The following AGBL3 variants were observed in gnomAD, a reference collection of about 807,000 sequenced individuals.
AGBL3 encodes the protein cytosolic carboxypeptidase 3.
In AGBL3, 68 loss-of-function variants were observed where a neutral mutation model predicts 94.5. That is an observed-to-expected ratio of 0.72 (90% CI 0.59 to 0.88). The LOEUF (loss-of-function observed/expected upper bound fraction) is 0.88. AGBL3 is among the 40% of genes least tolerant of loss of function. The pLI is 0.00. For missense variants in AGBL3, 934 were observed against 1,103.8 expected, an observed-to-expected ratio of 0.85 and a Z score of 2.18; for synonymous variants, 354 against 370.7, an observed-to-expected ratio of 0.95 and a Z score of 0.52.
chr7:135,129,614 T>C (rs1248263665), intron 16 of AGBL3: 2 of 775,306 alleles, frequency 2.6e-6, no homozygotes, highest in African/African-American at 1.7e-5. Context: ...TCACTGATCC[T>C]GCTTCAACAT....
intron 5 of AGBL3, among the ~76,000 whole-genome samples, chr7:135,020,577 G>GT (rs1472883938): frequency 2.0e-5 from 3 of 152,122 alleles, no homozygotes; most frequent in Non-Finnish European, 2.9e-5. Context: ...CCAAAGGATT[G>GT]TAAGTCATGC....
intron 16 of AGBL3, among the ~76,000 whole-genome samples, chr7:135,118,730 A>C (rs1826675173): frequency 1.3e-5 from 2 of 152,226 alleles, no homozygotes; most frequent in Admixed American, 1.3e-4. Flanking sequence ...AAAGATTTTT[A>C]AAGTAATCAT....
chr7:135,086,288 C>T (rs1263184710), intron 15 of AGBL3, among the ~76,000 whole-genome samples: 1 of 151,976 alleles, frequency 6.6e-6, no homozygotes, highest in Non-Finnish European at 1.5e-5. Context: ...AATTTGACTT[C>T]CTTCTTTCCA....
At chr7:135,082,343 A>C (rs1348569123) in intron 15 of AGBL3, among the ~76,000 whole-genome samples, 1 of 152,114 alleles carries the variant, frequency 6.6e-6, no homozygotes, top group African/African-American at 2.4e-5. Flanking sequence ...TCTATTTTTT[A>C]AAAAGCTGTC....
At chr7:135,096,584 C>CATAGATAGATACATAGATAGATAG in intron 15 of AGBL3, among the ~76,000 whole-genome samples, 1 of 88,860 alleles carries the variant, frequency 1.1e-5, no homozygotes, top group East Asian at 2.8e-4. Flanking sequence ...TAGATAGATA[C>CATAGATAGATACATAGATAGATAG]ATAGATAGAT....
chr7:134,987,100 G>T (rs1455989122), intron 1 of AGBL3, among the ~76,000 whole-genome samples: 1 of 152,262 alleles, frequency 6.6e-6, no homozygotes, highest in Non-Finnish European at 1.5e-5. Flanking sequence ...AGGACTGAAG[G>T]TGTCATCTAT....
intron 13 of AGBL3, among the ~76,000 whole-genome samples, chr7:135,077,894 C>A (rs1820603723): frequency 6.6e-6 from 1 of 152,196 alleles, no homozygotes; most frequent in Non-Finnish European, 1.5e-5. Flanking sequence ...CTGCTGGCTG[C>A]AACCAATTAT....
At chr7:135,116,558 A>G (rs2348279) in intron 16 of AGBL3, among the ~76,000 whole-genome samples, 73,737 of 152,006 alleles carry the variant, frequency 0.49, 18,255 homozygotes, top group South Asian at 0.65. Context: ...TCCATTGAGT[A>G]TGGAAATCTC....
At chr7:135,078,362 C>T (rs934756898) in intron 13 of AGBL3, among the ~76,000 whole-genome samples, 1 of 152,080 alleles carries the variant, frequency 6.6e-6, no homozygotes, top group Non-Finnish European at 1.5e-5. Context: ...TTCCTCTGCT[C>T]TCTCTTCTAG....
chr7:135,081,456 C>G (rs1053350236), intron 14 of AGBL3, among the ~76,000 whole-genome samples: 3 of 151,952 alleles, frequency 2.0e-5, no homozygotes, highest in Non-Finnish European at 2.9e-5. Context: ...ACAATGAAAA[C>G]TTTATAACTG....
At chr7:135,030,494 T>A (rs1227673804) in intron 5 of AGBL3, among the ~76,000 whole-genome samples, 1 of 152,192 alleles carries the variant, frequency 6.6e-6, no homozygotes, top group Non-Finnish European at 1.5e-5. Context: ...CTGTATGTAA[T>A]GTGTCTTTTT....
intron 15 of AGBL3, among the ~76,000 whole-genome samples, chr7:135,096,902 A>G (rs1822984962): frequency 1.3e-5 from 2 of 152,324 alleles, no homozygotes; most frequent in Non-Finnish European, 2.9e-5. Context: ...TATGCAGAAA[A>G]GAATTTGGGA....
At chr7:135,130,300 A>T (rs564995613) in intron 16 of AGBL3, among the ~76,000 whole-genome samples, 1 of 152,356 alleles carries the variant, frequency 6.6e-6, no homozygotes, top group African/African-American at 2.4e-5. Context: ...TAATAATTTA[A>T]AAATATGTTT....
At chr7:135,073,818 G>C (rs956265403) in intron 12 of AGBL3, among the ~76,000 whole-genome samples, 1 of 152,098 alleles carries the variant, frequency 6.6e-6, no homozygotes, top group African/African-American at 2.4e-5. Context: ...GCAAATAAGC[G>C]ATTAGGTCAG....
intron 15 of AGBL3, among the ~76,000 whole-genome samples, chr7:135,088,851 AC>A (rs1388696163): frequency 6.6e-6 from 1 of 151,990 alleles, no homozygotes; most frequent in African/African-American, 2.4e-5. Context: ...CTTGGTGAGG[AC>A]CTTTTTCCAG....
At chr7:135,080,074 T>C in intron 13 of AGBL3, 129 bp from the exon 14 acceptor site, 1 of 742,352 alleles carries the variant, frequency 1.3e-6, no homozygotes, top group South Asian at 1.9e-5. Context: ...ATTTTGGTCA[T>C]TCTAAACCTG....
Position 135,134,997 on chromosome 7 carries a change from C to A in AGBL3, c.2499C>A (p.Leu833=), listed in dbSNP as rs1677478594. ...GGTCATTGGAAAGTTTATCACCTCT[C>A]AAAGGCCCCAAGAAGAATAAACATT... ...PHRSLESLSP[L]KGPKKNKHSQ... The change falls in exon 17 of 17, where the codon CTC becomes CTA. Residue 833 remains leucine (L), a synonymous_variant. Coordinates refer to ENST00000436302, the MANE Select transcript of AGBL3 (RefSeq NM_178563.4). 1.3e-6 allele frequency: 2 copies of A among 1,551,044 alleles called. No individual in the cohort carries two copies. Among genetic ancestry groups the A allele is most frequent in the East Asian group, 4.9e-5 (2 of 40,904 alleles).
At chr7:135,103,340 G>A (rs577351218) in intron 15 of AGBL3, among the ~76,000 whole-genome samples, 7 of 152,038 alleles carry the variant, frequency 4.6e-5, no homozygotes, top group African/African-American at 1.7e-4. Context: ...CTCTATATTC[G>A]GGAATATAGA....
At chr7:135,089,916 A>G (rs1019104612) in intron 15 of AGBL3, among the ~76,000 whole-genome samples, 2 of 152,146 alleles carry the variant, frequency 1.3e-5, no homozygotes, top group Non-Finnish European at 2.9e-5. Flanking sequence ...CTTCCAGTGC[A>G]TGTTCACTCT....
Sources: gnomAD v4.1 joint callset for allele counts (sites outside exome capture counted in the v4.1 genomes callset) on GRCh38, gnomAD v4.1.1 for gene constraint, MANE v1.5 for transcripts, NCBI Gene and HGNC (gene_info 2026-07-23, HGNC 2026-07-21) for gene names.